The following CTNNA2 variants were observed in gnomAD, a reference collection of about 807,000 sequenced individuals.
CTNNA2 encodes catenin alpha 2.
In CTNNA2, 42 loss-of-function variants were observed where a neutral mutation model predicts 101.0. That is an observed-to-expected ratio of 0.42 (90% CI 0.32 to 0.54). The LOEUF (loss-of-function observed/expected upper bound fraction) is 0.54, where lower values mean the gene tolerates loss of function less well. Among genes scored for constraint, CTNNA2 ranks in the 20% least tolerant of loss-of-function variants. The pLI, the probability that CTNNA2 is intolerant of heterozygous loss-of-function variation, is 0.14. For missense variants in CTNNA2, 871 were observed against 1,223.1 expected, an observed-to-expected ratio of 0.71 and a Z score of 4.29; for synonymous variants, 450 against 456.4, an observed-to-expected ratio of 0.99 and a Z score of 0.18.
At chr2:80,268,964 A>C (rs17261510) in intron 7 of CTNNA2, among the ~76,000 whole-genome samples, 14,852 of 152,232 alleles carry the variant, frequency 0.098, 1,047 homozygotes, top group Non-Finnish European at 0.14. Flanking sequence ...AAAGTAGCAA[A>C]GTTCATGCAA....
intron 4 of CTNNA2, among the ~76,000 whole-genome samples, chr2:79,860,546 G>GTTTTTTTTTTTTTTTTTTTTTTTTTTTT (rs56929879): frequency 1.9e-5 from 2 of 107,178 alleles, no homozygotes; most frequent in African/African-American, 3.7e-5. Context: ...AGTAAGGGAA[G>GTTTTTTTTTTTTTTTTTTTTTTTTTTTT]TTTTTTTTTT....
intron 4 of CTNNA2, among the ~76,000 whole-genome samples, chr2:79,389,876 A>T (rs1678153204): frequency 6.6e-6 from 1 of 152,170 alleles, no homozygotes; most frequent in Non-Finnish European, 1.5e-5. Context: ...ATTACTACAC[A>T]ATTATATCAT....
chr2:79,468,881 T>C (rs1482868783), intron 4 of CTNNA2, among the ~76,000 whole-genome samples: 3 of 152,150 alleles, frequency 2.0e-5, no homozygotes, highest in South Asian at 2.1e-4. Flanking sequence ...TTGAAAGCAG[T>C]GTGTAGAGGG....
At chr2:79,688,829 G>A (rs75263414) in intron 2 of CTNNA2, among the ~76,000 whole-genome samples, 2,224 of 152,028 alleles carry the variant, frequency 0.015, 58 homozygotes, top group African/African-American at 0.051. Context: ...TTCCCATCAC[G>A]CTTGCTGCAT....
At chr2:79,646,717 A>G (rs1173606443) in intron 1 of CTNNA2, among the ~76,000 whole-genome samples, 1 of 151,676 alleles carries the variant, frequency 6.6e-6, no homozygotes, top group Non-Finnish European at 1.5e-5. Context: ...TTTTGTAGAT[A>G]TTGGTCTCAC....
chr2:79,843,082 G>A (rs187492799), intron 3 of CTNNA2, among the ~76,000 whole-genome samples: 1 of 152,178 alleles, frequency 6.6e-6, no homozygotes, highest in Non-Finnish European at 1.5e-5. Flanking sequence ...TAATTTAAAT[G>A]TGTAACAATG....
At chr2:79,700,582 C>CA (rs919109253) in intron 2 of CTNNA2, among the ~76,000 whole-genome samples, 4 of 151,868 alleles carry the variant, frequency 2.6e-5, no homozygotes, top group Non-Finnish European at 4.4e-5. Flanking sequence ...ACAACAACAA[C>CA]AAAAAAAGAG....
intron 4 of CTNNA2, among the ~76,000 whole-genome samples, chr2:79,492,494 A>G (rs1330011679): frequency 6.6e-6 from 1 of 152,078 alleles, no homozygotes. Flanking sequence ...AAATAGGACA[A>G]AACATTGTTC....
intron 7 of CTNNA2, among the ~76,000 whole-genome samples, chr2:79,915,812 A>C (rs1686162332): frequency 6.6e-6 from 1 of 152,224 alleles, no homozygotes; most frequent in African/African-American, 2.4e-5. Flanking sequence ...GAATTTATTT[A>C]AGTTGGCTGT....
chr2:79,469,311 C>A (rs1320867785), intron 4 of CTNNA2, among the ~76,000 whole-genome samples: 1 of 152,156 alleles, frequency 6.6e-6, no homozygotes, highest in African/African-American at 2.4e-5. Flanking sequence ...CACATACACC[C>A]TCCCAAGACT....
chr2:80,213,762 G>A (rs1159421386), intron 7 of CTNNA2, among the ~76,000 whole-genome samples: 30 of 152,080 alleles, frequency 2.0e-4, no homozygotes, highest in Non-Finnish European at 2.8e-4. Context: ...CAATTCCTGG[G>A]TATCCTTGTT....
intron 9 of CTNNA2, among the ~76,000 whole-genome samples, chr2:80,453,671 C>G (rs944089416): frequency 1.3e-5 from 2 of 152,074 alleles, no homozygotes; most frequent in Non-Finnish European, 2.9e-5. Context: ...TATCTGTTTG[C>G]GGGGGATCAC....
At chr2:79,982,305 A>T (rs1345039029) in intron 7 of CTNNA2, among the ~76,000 whole-genome samples, 12 of 133,676 alleles carry the variant, frequency 9.0e-5, no homozygotes, top group Admixed American at 4.4e-4. Flanking sequence ...AACATATATA[A>T]AACATATATA....
At chr2:79,854,624 A>G (rs900280172) in intron 3 of CTNNA2, among the ~76,000 whole-genome samples, 2 of 152,228 alleles carry the variant, frequency 1.3e-5, no homozygotes, top group African/African-American at 4.8e-5. Context: ...GAAGCACTAC[A>G]TACATGTTAA....
chr2:80,090,046 G>A (rs1425047629), intron 7 of CTNNA2, among the ~76,000 whole-genome samples: 1 of 151,950 alleles, frequency 6.6e-6, no homozygotes, highest in Non-Finnish European at 1.5e-5. Flanking sequence ...CATTCAGGGT[G>A]TCCTCAAGAG....
At chr2:80,618,855 G>T (rs1699066890) in intron 17 of CTNNA2, 2 of 322,288 alleles carry the variant, frequency 6.2e-6, no homozygotes, top group Non-Finnish European at 1.1e-5. Context: ...CTCCCACATG[G>T]TTCCTTTATC....
chr2:79,203,071 C>T (rs1385215566), intron 2 of CTNNA2, among the ~76,000 whole-genome samples: 1 of 152,294 alleles, frequency 6.6e-6, no homozygotes, highest in Admixed American at 6.5e-5. Flanking sequence ...TCTCTTCTCT[C>T]GCCTTCCCTG....
At chr2:79,753,246 T>G (rs1672163376) in intron 3 of CTNNA2, among the ~76,000 whole-genome samples, 1 of 152,234 alleles carries the variant, frequency 6.6e-6, no homozygotes, top group Non-Finnish European at 1.5e-5. Flanking sequence ...GAATTTTTTA[T>G]TTAATTCATT....
At chr2:79,912,181 C>T (rs537719976) in intron 7 of CTNNA2, among the ~76,000 whole-genome samples, 5 of 152,304 alleles carry the variant, frequency 3.3e-5, no homozygotes, top group South Asian at 4.1e-4. Flanking sequence ...GCATAACTGA[C>T]ATTTCTGTTT....
Sources: gnomAD v4.1 joint callset for allele counts (sites outside exome capture counted in the v4.1 genomes callset) on GRCh38, gnomAD v4.1.1 for gene constraint, MANE v1.5 for transcripts, NCBI Gene and HGNC (gene_info 2026-07-23, HGNC 2026-07-21) for gene names.